TLN2: variants seen among roughly 807,000 people sequenced by gnomAD.
TLN2 encodes talin 2.
In TLN2, 118 loss-of-function variants were observed where a neutral mutation model predicts 294.7. That is an observed-to-expected ratio of 0.40 (90% CI 0.34 to 0.47). The LOEUF (loss-of-function observed/expected upper bound fraction) is 0.47. Among genes scored for constraint, TLN2 ranks in the 20% least tolerant of loss-of-function variants. The pLI, the probability that TLN2 is intolerant of heterozygous loss-of-function variation, is 0.84. For missense variants in TLN2, 3,083 were observed against 3,282.2 expected (o/e 0.94, Z 1.48); for synonymous variants, 1,431 against 1,304.5 (o/e 1.10, Z -2.09).
chr15:62,511,043 A>G (rs1224560386), intron 1 of TLN2, among the ~76,000 whole-genome samples: 1 of 152,220 alleles, frequency 6.6e-6, no homozygotes, highest in Non-Finnish European at 1.5e-5. Flanking sequence ...ATCTCACCCA[A>G]TGCTAGGCTC....
rs2038162035 is a variant in TLN2 at position 62,482,579 on chromosome 15, AC to A, written c.-238+91895del. Among the ~76,000 whole-genome samples the A allele has an allele frequency of 6.1e-5, 9 of 146,946 alleles. No homozygotes were observed. The South Asian group carries it at 2.0e-3, about 32-fold the overall frequency. ...ATCGTGCCATCGCACTCCAGCCTGG[AC>A]AACAAGAGTAAAACGTTGTCTCAAA... On this transcript the variant is annotated intron_variant, in intron 1 of 58. Transcript: ENST00000636159.
intron 1 of TLN2, among the ~76,000 whole-genome samples, chr15:62,514,930 C>T (rs944384028): frequency 1.3e-5 from 2 of 152,064 alleles, no homozygotes; most frequent in Non-Finnish European, 2.9e-5. Flanking sequence ...CTCACTTACA[C>T]CAAGGAGAGC....
intron 1 of TLN2, among the ~76,000 whole-genome samples, chr15:62,505,964 A>G (rs1025929726): frequency 2.4e-4 from 37 of 152,200 alleles, no homozygotes; most frequent in African/African-American, 8.2e-4. Flanking sequence ...GTCTAAGATC[A>G]TTCTTTCCTT....
intron 42 of TLN2, among the ~76,000 whole-genome samples, chr15:62,773,272 C>G (rs140718507): frequency 0.28 from 32,387 of 113,896 alleles, 3,713 homozygotes; most frequent in Middle Eastern, 0.35. Flanking sequence ...TCCTGTGTTC[C>G]CAGCCATAGA....
At chr15:62,472,242 C>A (rs1447775868) in intron 1 of TLN2, among the ~76,000 whole-genome samples, 1 of 152,108 alleles carries the variant, frequency 6.6e-6, no homozygotes, top group African/African-American at 2.4e-5. Context: ...CACCACCTAT[C>A]TGATAGATCT....
intron 1 of TLN2, among the ~76,000 whole-genome samples, chr15:62,409,466 A>G (rs907274784): frequency 6.6e-6 from 1 of 152,112 alleles, no homozygotes; most frequent in Admixed American, 6.6e-5. Context: ...CAGAGATGTA[A>G]TCTTAATAGA....
intron 1 of TLN2, among the ~76,000 whole-genome samples, chr15:62,434,491 T>C (rs895915828): frequency 6.6e-6 from 1 of 152,220 alleles, no homozygotes; most frequent in Non-Finnish European, 1.5e-5. Context: ...ATGCGCGCGC[T>C]CTTTCCCTTG....
intron 4 of TLN2, among the ~76,000 whole-genome samples, chr15:62,647,891 A>G (rs1250481250): frequency 6.6e-6 from 1 of 151,968 alleles, no homozygotes; most frequent in Non-Finnish European, 1.5e-5. Context: ...TTTTATCTCA[A>G]ACCTTAAAAA....
intron 1 of TLN2, among the ~76,000 whole-genome samples, chr15:62,513,454 C>G (rs1015389184): frequency 1.3e-5 from 2 of 152,240 alleles, no homozygotes; most frequent in African/African-American, 4.8e-5. Flanking sequence ...TTAGAACTTT[C>G]TGCTCTGTTG....
At chr15:62,783,132 TA>T (rs1291569159) in intron 44 of TLN2, among the ~76,000 whole-genome samples, 1 of 152,248 alleles carries the variant, frequency 6.6e-6, no homozygotes, top group African/African-American at 2.4e-5. Flanking sequence ...TACTCTTAAC[TA>T]AATTTGTGGC....
chr15:62,474,459 C>T (rs993792288), intron 1 of TLN2, among the ~76,000 whole-genome samples: 1 of 151,912 alleles, frequency 6.6e-6, no homozygotes, highest in African/African-American at 2.4e-5. Flanking sequence ...CATAGTCAGA[C>T]CCTGTCTCTA....
At chr15:62,653,748 TAAA>T (rs36124921) in intron 7 of TLN2, among the ~76,000 whole-genome samples, 9 of 135,316 alleles carry the variant, frequency 6.7e-5, no homozygotes, top group Non-Finnish European at 1.3e-4. Flanking sequence ...AAATAAAAAT[TAAA>T]AAAAAAAAAG....
intron 12 of TLN2, among the ~76,000 whole-genome samples, chr15:62,691,525 C>T (rs1421760408): frequency 6.6e-6 from 1 of 152,128 alleles, no homozygotes; most frequent in South Asian, 2.1e-4. Flanking sequence ...ATTGGTGAAG[C>T]ATTTTTATGA....
chr15:62,572,512 C>T (rs2043966989), intron 1 of TLN2, among the ~76,000 whole-genome samples: 1 of 152,202 alleles, frequency 6.6e-6, no homozygotes, highest in South Asian at 2.1e-4. Flanking sequence ...TCCCAAAGTG[C>T]TGGGATTACA....
Position 62,833,220 on chromosome 15 carries a change from T to C in TLN2, c.7003-284T>C, listed in dbSNP as rs539478248. The C allele has an allele frequency of 1.4e-5, 5 of 359,362 alleles. No homozygotes were observed. In the East Asian group the frequency reaches 2.1e-4, roughly 15 times the overall value. 22.3% of individuals were successfully genotyped at this position (359,362 alleles called of 1,614,324 possible). On this transcript the variant is annotated intron_variant, in intron 54 of 58. Transcript: ENST00000636159. ...TGTACCACACATACAAAGAAAACTA[T>C]TGCTGTGCCTGGCCATTGTCTCTTA...
chr15:62,778,085 T>G (rs997574433), intron 43 of TLN2, among the ~76,000 whole-genome samples: 2 of 152,218 alleles, frequency 1.3e-5, no homozygotes, highest in Non-Finnish European at 2.9e-5. Context: ...GAAGATTGGT[T>G]GTTCATATCT....
chr15:62,410,663 G>A (rs1164922234), intron 1 of TLN2, among the ~76,000 whole-genome samples: 4 of 152,200 alleles, frequency 2.6e-5, no homozygotes, highest in Non-Finnish European at 4.4e-5. Flanking sequence ...GGCTACTGAG[G>A]GATGGGCGCA....
At chr15:62,403,993 C>A (rs1250975361) in intron 1 of TLN2, among the ~76,000 whole-genome samples, 1 of 152,128 alleles carries the variant, frequency 6.6e-6, no homozygotes, top group Non-Finnish European at 1.5e-5. Flanking sequence ...GAATGCCTGG[C>A]ACATGATAGG....
intron 3 of TLN2, among the ~76,000 whole-genome samples, chr15:62,628,996 C>T (rs536842562): frequency 2.6e-5 from 4 of 152,076 alleles, no homozygotes; most frequent in East Asian, 3.9e-4. Context: ...CAGGAGTTTG[C>T]GACCAGCCTG....
Sources: gnomAD v4.1 joint callset for allele counts (sites outside exome capture counted in the v4.1 genomes callset) on GRCh38, gnomAD v4.1.1 for gene constraint, MANE v1.5 for transcripts, NCBI Gene and HGNC (gene_info 2026-07-23, HGNC 2026-07-21) for gene names.